MACROD2: variants seen among roughly 807,000 people sequenced by gnomAD.
MACROD2 encodes mono-ADP ribosylhydrolase 2.
A neutral mutation model predicts 70.4 loss-of-function variants in MACROD2; 36 were observed. The observed-to-expected ratio is 0.51, with a 90% CI of 0.39 to 0.68. The LOEUF (loss-of-function observed/expected upper bound fraction) is 0.68, where lower values mean the gene tolerates loss of function less well. MACROD2 is among the 30% of genes least tolerant of loss of function. The pLI is 0.00. For missense variants in MACROD2, 496 were observed against 538.4 expected, an observed-to-expected ratio of 0.92 and a Z score of 0.78; for synonymous variants, 172 against 178.8, an observed-to-expected ratio of 0.96 and a Z score of 0.30.
chr20:15,226,332 G>A (rs1317775314), intron 5 of MACROD2, among the ~76,000 whole-genome samples: 1 of 152,114 alleles, frequency 6.6e-6, no homozygotes, highest in Non-Finnish European at 1.5e-5. Flanking sequence ...AGGACTCCTT[G>A]TACACTGCTG....
chr20:15,781,605 T>C (rs1235114338), intron 8 of MACROD2, among the ~76,000 whole-genome samples: 2 of 152,148 alleles, frequency 1.3e-5, no homozygotes, highest in Non-Finnish European at 2.9e-5. Flanking sequence ...GGAAGTGCCC[T>C]TCAAATACTG....
intron 2 of MACROD2, among the ~76,000 whole-genome samples, chr20:14,071,322 G>A (rs2053838736): frequency 1.5e-5 from 2 of 132,414 alleles, no homozygotes; most frequent in Admixed American, 1.8e-4. Flanking sequence ...GTGCAGTGGC[G>A]CGATCTCAGC....
intron 3 of MACROD2, among the ~76,000 whole-genome samples, chr20:14,139,172 T>C (rs1201767409): frequency 1.3e-5 from 2 of 152,166 alleles, no homozygotes; most frequent in African/African-American, 4.8e-5. Context: ...TCTTTATCAT[T>C]TAGAATATTT....
At chr20:15,305,318 C>T (rs2146135480) in intron 6 of MACROD2, among the ~76,000 whole-genome samples, 1 of 152,040 alleles carries the variant, frequency 6.6e-6, no homozygotes, top group East Asian at 1.9e-4. Flanking sequence ...GTTTCACTTA[C>T]ACTGTCCTCT....
intron 3 of MACROD2, among the ~76,000 whole-genome samples, chr20:14,187,139 G>GAAAAAAAAA (rs71335951): frequency 1.8e-5 from 2 of 112,974 alleles, no homozygotes. Flanking sequence ...TTTAAAAAAG[G>GAAAAAAAAA]AAAAAAAAAA....
intron 10 of MACROD2, among the ~76,000 whole-genome samples, chr20:15,917,235 G>A (rs915396125): frequency 1.3e-5 from 2 of 152,136 alleles, no homozygotes; most frequent in African/African-American, 4.8e-5. Context: ...AGAGCTGGGA[G>A]TCCTTTTATC....
chr20:15,923,072 G>A lies in MACROD2; in HGVS notation c.776-10204G>A, dbSNP rs188731442. Reference sequence around the variant, plus strand: ...TGAACAATGCAGTAATAAAGTGGGCGTTCATAGCCACATGTAATTAACAAA... The same window carrying A: ...TGAACAATGCAGTAATAAAGTGGGCATTCATAGCCACATGTAATTAACAAA... On this transcript the variant is annotated intron_variant, in intron 10 of 17. Transcript: ENST00000684519. 1.8e-4 allele frequency among the ~76,000 whole-genome samples: 27 copies of A among 152,236 alleles called. No individual in the cohort carries two copies. In the East Asian group the frequency reaches 2.9e-3, roughly 16 times the overall value.
intron 8 of MACROD2, among the ~76,000 whole-genome samples, chr20:15,727,256 C>T (rs969061726): frequency 6.6e-6 from 1 of 151,900 alleles, no homozygotes; most frequent in African/African-American, 2.4e-5. Flanking sequence ...TGTAGATAGG[C>T]AGCTTTATTT....
chr20:14,522,785 C>T (rs980061560), intron 4 of MACROD2, among the ~76,000 whole-genome samples: 1 of 152,144 alleles, frequency 6.6e-6, no homozygotes, highest in African/African-American at 2.4e-5. Flanking sequence ...CCTCATAGAT[C>T]TAGTCTCAAC....
At chr20:15,224,152 G>A (rs1307377492) in intron 5 of MACROD2, among the ~76,000 whole-genome samples, 3 of 152,148 alleles carry the variant, frequency 2.0e-5, no homozygotes, top group Non-Finnish European at 4.4e-5. Flanking sequence ...GAGACCCTAA[G>A]CCAAACCCCC....
At chr20:15,181,626 A>G (rs1448528911) in intron 5 of MACROD2, among the ~76,000 whole-genome samples, 1 of 152,160 alleles carries the variant, frequency 6.6e-6, no homozygotes, top group Non-Finnish European at 1.5e-5. Flanking sequence ...GCCCGTTAGA[A>G]CTATTTTGTT....
intron 5 of MACROD2, among the ~76,000 whole-genome samples, chr20:14,840,492 C>T (rs2122270854): frequency 6.6e-6 from 1 of 152,228 alleles, no homozygotes; most frequent in East Asian, 1.9e-4. Flanking sequence ...CCACCTCAGC[C>T]TCTCAAAGTG....
At chr20:14,549,661 A>G (rs1308992334) in intron 4 of MACROD2, among the ~76,000 whole-genome samples, 1 of 152,138 alleles carries the variant, frequency 6.6e-6, no homozygotes, top group Non-Finnish European at 1.5e-5. Context: ...CCATGATAAG[A>G]AGGTAAGATT....
chr20:15,043,831 C>T (rs540749147), intron 5 of MACROD2, among the ~76,000 whole-genome samples: 1 of 152,284 alleles, frequency 6.6e-6, no homozygotes, highest in African/African-American at 2.4e-5. Context: ...GATCACAGAA[C>T]TCAGGAAGAC....
intron 4 of MACROD2, among the ~76,000 whole-genome samples, chr20:14,505,620 G>C (rs1600314340): frequency 1.3e-5 from 2 of 152,204 alleles, no homozygotes; most frequent in South Asian, 4.1e-4. Flanking sequence ...TTGCTTGGAG[G>C]GCTTGTTAAA....
intron 8 of MACROD2, among the ~76,000 whole-genome samples, chr20:15,655,558 C>T (rs892525865): frequency 6.6e-6 from 1 of 152,144 alleles, no homozygotes; most frequent in Non-Finnish European, 1.5e-5. Flanking sequence ...AAGTAATTCA[C>T]AGCCTGCCTT....
intron 5 of MACROD2, among the ~76,000 whole-genome samples, chr20:14,697,741 A>G (rs2071143744): frequency 6.6e-6 from 1 of 152,192 alleles, no homozygotes; most frequent in Non-Finnish European, 1.5e-5. Flanking sequence ...GGTAATTAGC[A>G]ACTTTTTAAT....
In MACROD2 at chr20:14,568,185, G is replaced by T. The variant is rs539784397; in HGVS notation, c.301+74677G>T. ...TACTTTTCTTCTAGAGAAAACAGTGGAATCAAAGAGTATTTTGATCAGTTT... is the reference window on the plus strand; with the variant it reads ...TACTTTTCTTCTAGAGAAAACAGTGTAATCAAAGAGTATTTTGATCAGTTT... On this transcript the variant is annotated intron_variant, in intron 4 of 17. Transcript: ENST00000684519. 2.0e-5 allele frequency among the ~76,000 whole-genome samples: 3 copies of T among 152,086 alleles called. No individual in the cohort carries two copies. In the South Asian group the frequency reaches 6.2e-4, roughly 32 times the overall value.
intron 5 of MACROD2, among the ~76,000 whole-genome samples, chr20:14,883,654 G>C (rs1046876088): frequency 4.0e-5 from 6 of 151,884 alleles, no homozygotes; most frequent in African/African-American, 1.5e-4. Flanking sequence ...TTTCCTACCT[G>C]GCTGCATCTG....
Sources: allele counts gnomAD v4.1 joint callset (sites outside exome capture counted in the v4.1 genomes callset), GRCh38; gene constraint gnomAD v4.1.1; transcripts MANE v1.5; gene names NCBI Gene and HGNC (gene_info 2026-07-23, HGNC 2026-07-21).